The following GRIA4 variants were observed in gnomAD, a reference collection of about 807,000 sequenced individuals.
GRIA4 encodes the protein glutamate ionotropic receptor AMPA type subunit 4.
Under a neutral mutation model 104.0 loss-of-function variants are expected in GRIA4, and 34 were observed. The observed-to-expected ratio is 0.33, with a 90% CI of 0.25 to 0.44. GRIA4 has a LOEUF of 0.44. GRIA4 is among the 20% of genes least tolerant of loss of function. The pLI is 1.00. For missense variants in GRIA4, 750 were observed against 1,096.5 expected (o/e 0.68, Z 4.46); for synonymous variants, 386 against 381.9 (o/e 1.01, Z -0.13).
At chr11:105,806,546 T>C (rs1393522789) in intron 4 of GRIA4, among the ~76,000 whole-genome samples, 3 of 151,904 alleles carry the variant, frequency 2.0e-5, no homozygotes, top group Non-Finnish European at 2.9e-5. Flanking sequence ...TGTACAAATC[T>C]GAGTGTTTAC....
intron 14 of GRIA4, among the ~76,000 whole-genome samples, chr11:105,938,331 G>C (rs73544638): frequency 1.4e-3 from 207 of 152,262 alleles, no homozygotes; most frequent in African/African-American, 4.8e-3. Flanking sequence ...TTTTGTGTGA[G>C]AATAATATTT....
At chr11:105,948,041 T>A (rs566891142) in intron 14 of GRIA4, among the ~76,000 whole-genome samples, 23 of 152,294 alleles carry the variant, frequency 1.5e-4, no homozygotes, top group African/African-American at 5.5e-4. Context: ...CCCCCATGTA[T>A]CTGAACTTTG....
chr11:105,861,000 C>T (rs1345376527), intron 4 of GRIA4, among the ~76,000 whole-genome samples: 2 of 147,532 alleles, frequency 1.4e-5, no homozygotes, highest in Non-Finnish European at 3.0e-5. Context: ...AAAGGCAGGA[C>T]AATCAAGACA....
intron 3 of GRIA4, among the ~76,000 whole-genome samples, chr11:105,701,242 G>A (rs1470172511): frequency 2.0e-5 from 3 of 152,082 alleles, no homozygotes; most frequent in South Asian, 2.1e-4. Context: ...TTTTTTAACC[G>A]CTAGCTTACA....
At chr11:105,706,512 G>A (rs1200820822) in intron 3 of GRIA4, 2 of 152,994 alleles carry the variant, frequency 1.3e-5, no homozygotes, top group African/African-American at 2.4e-5. Flanking sequence ...AATAGAAGAT[G>A]GTGTGATCAT....
intron 4 of GRIA4, among the ~76,000 whole-genome samples, chr11:105,766,493 T>C (rs1427211504): frequency 1.3e-5 from 2 of 152,188 alleles, no homozygotes; most frequent in Non-Finnish European, 2.9e-5. Flanking sequence ...GACATTAAAT[T>C]TGGAATAATT....
chr11:105,682,895 C>T (rs1039688952), intron 3 of GRIA4, among the ~76,000 whole-genome samples: 1 of 152,106 alleles, frequency 6.6e-6, no homozygotes, highest in East Asian at 1.9e-4. Context: ...CTGGTGTGAG[C>T]AATGACAAAA....
At chr11:105,852,599 A>G (rs1944853665) in intron 4 of GRIA4, among the ~76,000 whole-genome samples, 1 of 152,164 alleles carries the variant, frequency 6.6e-6, no homozygotes, top group Non-Finnish European at 1.5e-5. Flanking sequence ...TATTTAGATA[A>G]TCACCTCAGT....
intron 14 of GRIA4, 32 bp downstream of exon 14, chr11:105,934,001 G>GTT: frequency 6.5e-7 from 1 of 1,550,146 alleles, no homozygotes; most frequent in Non-Finnish European, 8.8e-7. Flanking sequence ...TATAACATGT[G>GTT]TTGTTATAGT....
chr11:105,701,558 G>A (rs1479777277), intron 3 of GRIA4, among the ~76,000 whole-genome samples: 1 of 152,022 alleles, frequency 6.6e-6, no homozygotes, highest in Non-Finnish European at 1.5e-5. Flanking sequence ...AGGAGAGAGT[G>A]CATGTGTTCA....
chr11:105,657,748 A>T (rs1951886146), intron 3 of GRIA4, among the ~76,000 whole-genome samples: 1 of 151,950 alleles, frequency 6.6e-6, no homozygotes, highest in African/African-American at 2.4e-5. Flanking sequence ...AATGTTTCTG[A>T]TTTTTATTTG....
chr11:105,619,217 T>A (rs1041706704), intron 3 of GRIA4, among the ~76,000 whole-genome samples: 1 of 151,952 alleles, frequency 6.6e-6, no homozygotes, highest in East Asian at 1.9e-4. Flanking sequence ...ATTGGCAGCC[T>A]GATAGTGGGC....
intron 4 of GRIA4, among the ~76,000 whole-genome samples, chr11:105,851,446 T>C (rs1944805758): frequency 6.6e-6 from 1 of 152,188 alleles, no homozygotes; most frequent in Non-Finnish European, 1.5e-5. Flanking sequence ...TAATAAATGA[T>C]TTAATTAATT....
At chr11:105,875,025 A>G (rs1945762532) in intron 5 of GRIA4, among the ~76,000 whole-genome samples, 1 of 152,220 alleles carries the variant, frequency 6.6e-6, no homozygotes, top group Non-Finnish European at 1.5e-5. Flanking sequence ...GCTTTTGCCC[A>G]TTCAGTATGA....
chr11:105,901,600 T>C (rs1050834187), intron 7 of GRIA4, among the ~76,000 whole-genome samples: 4 of 152,208 alleles, frequency 2.6e-5, no homozygotes, highest in Non-Finnish European at 4.4e-5. Context: ...TTTGAAAAGG[T>C]AAAACTGATT....
At chr11:105,895,708 G>A (rs1378762446) in intron 6 of GRIA4, among the ~76,000 whole-genome samples, 6 of 152,034 alleles carry the variant, frequency 3.9e-5, no homozygotes, top group African/African-American at 1.2e-4. Context: ...TAGGCAAGAA[G>A]GGATAGTATC....
intron 4 of GRIA4, among the ~76,000 whole-genome samples, chr11:105,826,699 G>A (rs975384859): frequency 2.0e-5 from 3 of 151,994 alleles, no homozygotes; most frequent in Admixed American, 1.3e-4. Context: ...CTCACTCAGC[G>A]AGGGTTTGCG....
chr11:105,874,057 G>A (rs1399765020), intron 5 of GRIA4, among the ~76,000 whole-genome samples: 4 of 152,052 alleles, frequency 2.6e-5, no homozygotes, highest in African/African-American at 7.2e-5. Flanking sequence ...TAGGTCTTAT[G>A]TTTAAGTCTT....
At chr11:105,913,002 T>A (rs1031352269) in intron 10 of GRIA4, 1 of 948,442 alleles carries the variant, frequency 1.1e-6, no homozygotes, top group African/African-American at 1.8e-5. Context: ...GAAATTGATA[T>A]GGTGTTATTG....
Sources: allele counts gnomAD v4.1 joint callset (sites outside exome capture counted in the v4.1 genomes callset), GRCh38; gene constraint gnomAD v4.1.1; transcripts MANE v1.5; gene names NCBI Gene and HGNC (gene_info 2026-07-23, HGNC 2026-07-21).